The following SLC6A17 variants were observed in gnomAD, a reference collection of about 807,000 sequenced individuals.
SLC6A17 encodes the protein sodium-dependent neutral amino acid transporter SLC6A17.
Under a neutral mutation model 64.5 loss-of-function variants are expected in SLC6A17, and 21 were observed. The observed-to-expected ratio is 0.33, with a 90% confidence interval of 0.23 to 0.47. SLC6A17 has a LOEUF of 0.47. Ranked by LOEUF, SLC6A17 falls within the 20% of genes least tolerant of loss-of-function variation. The pLI is 1.00. For missense variants in SLC6A17, 682 were observed against 963.2 expected, an observed-to-expected ratio of 0.71 and a Z score of 3.86; for synonymous variants, 372 against 399.5, an observed-to-expected ratio of 0.93 and a Z score of 0.82.
intron 6 of SLC6A17, among the ~76,000 whole-genome samples, chr1:110,180,660 T>A (rs142495881): frequency 6.6e-6 from 1 of 152,068 alleles, no homozygotes. Flanking sequence ...CAGCACAGGA[T>A]TGGGGAGATA....
Position 110,200,351 on chromosome 1 carries a change from G to A in SLC6A17, c.*1907G>A. On this transcript the variant is annotated 3_prime_UTR_variant, in exon 12 of 12. Transcript: ENST00000331565. ...CTCCCCAAAGAGATGAGCTTTTGGG[G>A]CACAACATCCCACCGCAGTCCCCCT... 1 of 364,030 alleles carries A rather than the reference G, an allele frequency of 2.7e-6. No individual in the cohort carries two copies. The allele number at this position is 364,030 out of a possible 1,614,324, so 22.5% of individuals were successfully genotyped here.
intron 3 of SLC6A17, 122 bp downstream of exon 3, chr1:110,172,339 T>G: frequency 7.9e-7 from 1 of 1,262,650 alleles, no homozygotes; most frequent in Non-Finnish European, 1.1e-6. Context: ...GGGAGGGGGA[T>G]CCTCAACATG....
chr1:110,160,903 C>T (rs1019105238), intron 1 of SLC6A17, among the ~76,000 whole-genome samples: 30 of 151,896 alleles, frequency 2.0e-4, no homozygotes, highest in African/African-American at 5.1e-4. Context: ...AGGATGCCAG[C>T]GGGGAAAGTG....
intron 6 of SLC6A17, among the ~76,000 whole-genome samples, chr1:110,177,485 C>T (rs1267759977): frequency 6.6e-6 from 1 of 152,216 alleles, no homozygotes; most frequent in East Asian, 1.9e-4. Context: ...CCCTTCAGAC[C>T]ACTGGGCACA....
rs909840154 is a variant in SLC6A17, at chr1:110,174,188, CTTG to C, written c.571+94_571+96del. ...TAGCGCACACATTTGGAATTTCAGA[CTTG>C]TTGTGTCCCCTTGGATAAGTCACTT... is the stretch of plus-strand genomic sequence containing the variant. On this transcript the variant is annotated intron_variant, in intron 4 of 11. Coordinates refer to ENST00000331565, the MANE Select transcript of SLC6A17 (RefSeq NM_001010898.4). The C allele has an allele frequency of 1.1e-5, 17 of 1,527,244 alleles. No individual in the cohort carries two copies. The Admixed American group carries it at 2.6e-4, about 23-fold the overall frequency. 94.6% of individuals were successfully genotyped at this position (1,527,244 alleles called of 1,614,324 possible). A position where few individuals can be genotyped will look rare whatever the true frequency, so the allele number is the denominator to read the frequency against.
intron 1 of SLC6A17, among the ~76,000 whole-genome samples, chr1:110,151,798 T>A (rs1427849881): frequency 6.6e-6 from 1 of 152,170 alleles, no homozygotes; most frequent in African/African-American, 2.4e-5. Flanking sequence ...TCTTTCCTTT[T>A]TTTTTTTAAG....
Position 110,195,635 on chromosome 1 carries a change from C to T in SLC6A17, c.1542C>T (p.Arg514=), listed in dbSNP as rs765196658. 9.3e-6 allele frequency: 15 copies of T among 1,614,252 alleles called. No homozygotes were observed. Among genetic ancestry groups the T allele is most frequent in the Non-Finnish European group, 7.6e-6 (9 of 1,180,050 alleles). ...TCGTGGGGCTGTTGTTCGTCCAGCG[C>T]TCCGGAAACTACTTTGTCACCATGT... ...AFLVGLLFVQ[R]SGNYFVTMFD... is the part of the protein sequence containing the mutation. The change falls in exon 10 of 12, where the codon CGC becomes CGT. Residue 514 remains arginine (R), a synonymous_variant. Transcript: ENST00000331565.
chr1:110,172,199 C>T lies in SLC6A17; in HGVS notation c.426C>T (p.Ile142=), dbSNP rs185138276. Residue 142 remains isoleucine, a synonymous_variant, in exon 3 of 12, where the codon ATC becomes ATT. Transcript: ENST00000331565. ...ATATATGTCCCCGCCTGGGGGGCAT[C>T]GGCTTCTCCAGCTGCATAGTGAGTC... ...WHYICPRLGG[I]GFSSCIVCLF... is the part of the protein sequence containing the mutation. 3.8e-6 allele frequency: 6 copies of T among 1,595,228 alleles called. No individual in the cohort carries two copies. The highest frequency in any genetic ancestry group is 2.7e-5 in the African/African-American group (2 of 74,558).
intron 1 of SLC6A17, among the ~76,000 whole-genome samples, chr1:110,159,553 GT>G (rs1221187425): frequency 6.6e-6 from 1 of 152,210 alleles, no homozygotes; most frequent in Non-Finnish European, 1.5e-5. Flanking sequence ...TGGATTTCTT[GT>G]TTGGAATGGT....
chr1:110,159,273 G>C (rs563630493), intron 1 of SLC6A17, among the ~76,000 whole-genome samples: 1 of 152,276 alleles, frequency 6.6e-6, no homozygotes, highest in East Asian at 1.9e-4. Flanking sequence ...CATGGGTTGG[G>C]GGGGTGCTTT....
In SLC6A17 at chr1:110,174,957, G is replaced by C. The variant is rs761812409; in HGVS notation, c.750G>C (p.Gly250=). 6 of 1,613,336 alleles carry C rather than the reference G, an allele frequency of 3.7e-6. No individual in the cohort carries two copies. The highest frequency in any genetic ancestry group is 5.1e-6 in the Non-Finnish European group (6 of 1,179,508). Residue 250 remains glycine (G), a synonymous_variant, in exon 5 of 12, where the codon GGG becomes GGC. Coordinates refer to ENST00000331565, the MANE Select transcript of SLC6A17 (RefSeq NM_001010898.4). The stretch of plus-strand genomic sequence containing the variant: ...TCGTTAAGGGCATCCAGTCCTCGGG[G>C]AAGGTGAGTGCTGAGGGGGGCACCC... ...MAVVKGIQSS[G]KVMYFSSLFP...
chr1:110,184,127 T>C (rs1019253158), intron 6 of SLC6A17, among the ~76,000 whole-genome samples: 12 of 152,176 alleles, frequency 7.9e-5, no homozygotes, highest in Non-Finnish European at 1.3e-4. Context: ...TGTTGGTTTT[T>C]TTTGACGGAG....
At chr1:110,189,656 C>T (rs1440982526) in intron 6 of SLC6A17, among the ~76,000 whole-genome samples, 6 of 152,130 alleles carry the variant, frequency 3.9e-5, no homozygotes, top group African/African-American at 1.4e-4. Flanking sequence ...AACTTCTCTC[C>T]TCTCCCAGCC....
At chr1:110,194,158 TG>T (rs1280752339) in intron 8 of SLC6A17, among the ~76,000 whole-genome samples, 1 of 152,180 alleles carries the variant, frequency 6.6e-6, no homozygotes, top group Non-Finnish European at 1.5e-5. Context: ...GTGCTTCCAT[TG>T]AGAGCCGAGG....
At chr1:110,187,758 C>G (rs1388836289) in intron 6 of SLC6A17, among the ~76,000 whole-genome samples, 2 of 152,208 alleles carry the variant, frequency 1.3e-5, no homozygotes, top group Non-Finnish European at 1.5e-5. Context: ...AGCCAGCATG[C>G]CTTCCAGGCA....
intron 6 of SLC6A17, among the ~76,000 whole-genome samples, chr1:110,186,270 A>C (rs1344288998): frequency 7.2e-5 from 11 of 151,978 alleles, no homozygotes; most frequent in Non-Finnish European, 1.6e-4. Context: ...CCATTTATGA[A>C]ATTTGACCCT....
At chr1:110,184,850 G>A (rs371647894) in intron 6 of SLC6A17, among the ~76,000 whole-genome samples, 1 of 152,174 alleles carries the variant, frequency 6.6e-6, no homozygotes, top group East Asian at 1.9e-4. Context: ...ATCACAGGGG[G>A]GTACACCGGA....
intron 1 of SLC6A17, among the ~76,000 whole-genome samples, chr1:110,156,624 A>C (rs962011839): frequency 6.6e-6 from 1 of 152,190 alleles, no homozygotes; most frequent in Non-Finnish European, 1.5e-5. Context: ...TCTTGAAGAT[A>C]AGAATTGTAT....
intron 2 of SLC6A17, among the ~76,000 whole-genome samples, chr1:110,170,907 C>T (rs1449735416): frequency 6.6e-6 from 1 of 152,044 alleles, no homozygotes; most frequent in East Asian, 1.9e-4. Flanking sequence ...ACTCTGCCTG[C>T]CTCCCCGGCA....
Sources: gnomAD v4.1 joint callset for allele counts (sites outside exome capture counted in the v4.1 genomes callset) on GRCh38, gnomAD v4.1.1 for gene constraint, MANE v1.5 for transcripts, NCBI Gene and HGNC (gene_info 2026-07-23, HGNC 2026-07-21) for gene names.